The following KCTD16 variants were observed in gnomAD, a reference collection of about 807,000 sequenced individuals.
KCTD16 encodes the protein potassium channel tetramerization domain containing 16.
KCTD16 carries 13 observed loss-of-function variants against 33.2 expected under a neutral mutation model. That is an observed-to-expected ratio of 0.39 (90% CI 0.25 to 0.62). The LOEUF (loss-of-function observed/expected upper bound fraction) is 0.62. Among genes scored for constraint, KCTD16 ranks in the 20% least tolerant of loss-of-function variants. The pLI, the probability that KCTD16 is intolerant of heterozygous loss-of-function variation, is 0.50. For missense variants in KCTD16, 441 were observed against 525.1 expected, an observed-to-expected ratio of 0.84 and a Z score of 1.57; for synonymous variants, 197 against 195.3, an observed-to-expected ratio of 1.01 and a Z score of -0.07.
At chr5:144,191,594 C>A (rs1318131509) in intron 2 of KCTD16, among the ~76,000 whole-genome samples, 1 of 152,152 alleles carries the variant, frequency 6.6e-6, no homozygotes, top group African/African-American at 2.4e-5. Flanking sequence ...CTCTCATCCT[C>A]CCTCCCTAAG....
chr5:144,440,249 C>T (rs1443198584), intron 3 of KCTD16, among the ~76,000 whole-genome samples: 2 of 152,160 alleles, frequency 1.3e-5, no homozygotes, highest in African/African-American at 4.8e-5. Context: ...GCTGTTTGAA[C>T]TATGGAGTTT....
At chr5:144,394,633 G>A (rs1257795752) in intron 3 of KCTD16, among the ~76,000 whole-genome samples, 1 of 152,210 alleles carries the variant, frequency 6.6e-6, no homozygotes, top group African/African-American at 2.4e-5. Flanking sequence ...GATGTGAATG[G>A]ATCATGGGGA....
At chr5:144,445,186 G>T (rs2126980378) in intron 3 of KCTD16, among the ~76,000 whole-genome samples, 1 of 151,758 alleles carries the variant, frequency 6.6e-6, no homozygotes, top group South Asian at 2.1e-4. Context: ...TAAATTCTAA[G>T]ACATTCTCTT....
chr5:144,437,926 C>T (rs560048499), intron 3 of KCTD16, among the ~76,000 whole-genome samples: 2 of 152,272 alleles, frequency 1.3e-5, no homozygotes, highest in African/African-American at 4.8e-5. Context: ...CTATTGGACA[C>T]TTCAAATGTG....
chr5:144,212,806 T>G (rs1309775942), intron 3 of KCTD16, among the ~76,000 whole-genome samples: 1 of 152,194 alleles, frequency 6.6e-6, no homozygotes, highest in Non-Finnish European at 1.5e-5. Context: ...TACAGAAATT[T>G]TGAAATGTAT....
chr5:144,403,727 A>G (rs1176312379), intron 3 of KCTD16, among the ~76,000 whole-genome samples: 3 of 152,232 alleles, frequency 2.0e-5, no homozygotes, highest in Non-Finnish European at 2.9e-5. Flanking sequence ...GGATTAGAAC[A>G]TGGGCATCTT....
intron 3 of KCTD16, among the ~76,000 whole-genome samples, chr5:144,215,260 A>G (rs1753526972): frequency 6.6e-6 from 1 of 152,152 alleles, no homozygotes; most frequent in African/African-American, 2.4e-5. Context: ...TCATCCAAGC[A>G]GGAGTAAATT....
chr5:144,484,970 ACAT>A lies in KCTD16; in HGVS notation c.*10860_*10862del, dbSNP rs893034325. The A allele has an allele frequency of 2.6e-5, 4 of 151,948 alleles. No homozygotes were observed. Among genetic ancestry groups the A allele is most frequent in the African/African-American group, 7.2e-5 (3 of 41,412 alleles). 9.4% of individuals were successfully genotyped at this position (151,948 alleles called of 1,614,324 possible). The stretch of plus-strand genomic sequence containing the variant: ...AATGAATGTGCTTATTACAGTATAA[ACAT>A]CATTAATTATGGACTCACATGAATG... On this transcript the variant is annotated 3_prime_UTR_variant, in exon 4 of 4. Transcript: ENST00000512467.
At chr5:144,283,146 C>A (rs1347743072) in intron 3 of KCTD16, among the ~76,000 whole-genome samples, 2 of 152,086 alleles carry the variant, frequency 1.3e-5, no homozygotes, top group African/African-American at 4.8e-5. Context: ...TGTGCTGCAT[C>A]CATTAACTCG....
chr5:144,464,839 G>A (rs1433475887), intron 3 of KCTD16, among the ~76,000 whole-genome samples: 1 of 151,628 alleles, frequency 6.6e-6, no homozygotes. Context: ...TGAGTTTCCA[G>A]GTTTCCCTCT....
chr5:144,435,362 G>T (rs1753552929), intron 3 of KCTD16, among the ~76,000 whole-genome samples: 1 of 151,984 alleles, frequency 6.6e-6, no homozygotes, highest in Admixed American at 6.6e-5. Context: ...GTATCTGTTG[G>T]TTTAAATCTA....
In KCTD16 at chr5:144,235,569, C is replaced by A. The variant is rs76231720; in HGVS notation, c.832+28023C>A. On this transcript the variant is annotated intron_variant, in intron 3 of 3. Transcript: ENST00000512467. ...TGACAGCAGCTACCTTATGGAGTTG[C>A]TGAGAAGGTTAAATGAAATAATGAA... is the stretch of plus-strand genomic sequence containing the variant. 4.0e-3 allele frequency among the ~76,000 whole-genome samples: 604 copies of A among 152,142 alleles called. 6 individuals are homozygous for A. The highest frequency in any genetic ancestry group is 0.014 in the African/African-American group (588 of 41,498).
At chr5:144,299,044 CTA>C (rs10589565) in intron 3 of KCTD16, among the ~76,000 whole-genome samples, 3,605 of 35,824 alleles carry the variant, frequency 0.1, 336 homozygotes, top group Non-Finnish European at 0.13. Context: ...AAACAGATCA[CTA>C]TATATATATA....
intron 3 of KCTD16, among the ~76,000 whole-genome samples, chr5:144,462,286 A>C (rs1186473212): frequency 6.6e-6 from 1 of 152,054 alleles, no homozygotes; most frequent in African/African-American, 2.4e-5. Context: ...ACATCAGTCT[A>C]TGACTCCCAT....
intron 3 of KCTD16, among the ~76,000 whole-genome samples, chr5:144,386,021 T>C (rs932821049): frequency 5.3e-5 from 8 of 152,200 alleles, no homozygotes; most frequent in African/African-American, 1.9e-4. Context: ...ATTGTTCTTA[T>C]GTTTTTCATG....
chr5:144,349,085 A>G (rs751536479), intron 3 of KCTD16, among the ~76,000 whole-genome samples: 1 of 152,220 alleles, frequency 6.6e-6, no homozygotes, highest in Non-Finnish European at 1.5e-5. Context: ...GTTTAGGATC[A>G]TATTAATCTG....
chr5:144,282,110 C>T (rs1471316849), intron 3 of KCTD16, among the ~76,000 whole-genome samples: 2 of 152,152 alleles, frequency 1.3e-5, no homozygotes, highest in African/African-American at 2.4e-5. Flanking sequence ...ACCAGAAAGA[C>T]CAAGGCAAGA....
chr5:144,317,291 A>G (rs1254846487), intron 3 of KCTD16, among the ~76,000 whole-genome samples: 4 of 152,196 alleles, frequency 2.6e-5, no homozygotes, highest in Non-Finnish European at 5.9e-5. Context: ...AAAAAGAAAT[A>G]GAACTGAATA....
chr5:144,203,547 A>G (rs1377257586), intron 2 of KCTD16, among the ~76,000 whole-genome samples: 1 of 152,136 alleles, frequency 6.6e-6, no homozygotes, highest in Non-Finnish European at 1.5e-5. Context: ...CTAAGAAGAG[A>G]TAGTTAATTT....
Sources: gnomAD v4.1 joint callset for allele counts (sites outside exome capture counted in the v4.1 genomes callset) on GRCh38, gnomAD v4.1.1 for gene constraint, MANE v1.5 for transcripts, NCBI Gene and HGNC (gene_info 2026-07-23, HGNC 2026-07-21) for gene names.